The following ZIC3 variants were observed in gnomAD, a reference collection of about 807,000 sequenced individuals.
ZIC3 encodes zinc finger protein ZIC 3.
A neutral mutation model predicts 18.3 loss-of-function variants in ZIC3; 6 were observed. The observed-to-expected ratio is 0.33, with a 90% CI of 0.18 to 0.65. The LOEUF (loss-of-function observed/expected upper bound fraction) is 0.65. Ranked by LOEUF, ZIC3 falls within the 30% of genes least tolerant of loss-of-function variation. The probability of loss-of-function intolerance (pLI) is 0.75; values close to 1 mark genes in which losing one functional copy is unlikely to be tolerated. For synonymous variants in ZIC3, 175 were observed against 177.0 expected (o/e 0.99, Z 0.09); for missense variants, 260 against 410.0 (o/e 0.63, Z 3.16).
At chrX:137,574,790 GAGCGCAGCAA>G (rs756274294), downstream of ZIC3, among the ~76,000 whole-genome samples, 6 of 113,092 alleles carry the variant, frequency 5.3e-5, no homozygotes, top group South Asian at 3.6e-4. Flanking sequence ...AACCCCCGCG[GAGCGCAGCAA>G]AGCGCAGCAA....
exon 3 of ZIC3, chrX:137,577,366 T>G: frequency 2.6e-6 from 1 of 383,029 alleles, no homozygotes. Flanking sequence ...ATAAAAAGAC[T>G]ATTTTCTTCT....
downstream of ZIC3, among the ~76,000 whole-genome samples, chrX:137,575,485 C>T (rs970727275): frequency 2.7e-5 from 3 of 110,966 alleles, no homozygotes; most frequent in African/African-American, 9.9e-5. Flanking sequence ...GTGTTTTGTC[C>T]GTAGAAAAAT....
downstream of ZIC3, among the ~76,000 whole-genome samples, chrX:137,573,567 C>T (rs922951330): frequency 1.8e-5 from 2 of 112,463 alleles, no homozygotes; most frequent in African/African-American, 3.2e-5. Context: ...CTCTCTCTCC[C>T]CCTTCTTAAA....
At position 137,571,852 on chromosome X, in the gene ZIC3, C is replaced by CT. The variant is rs895974730; in HGVS notation, c.*1788dup. Among the ~76,000 whole-genome samples the CT allele has an allele frequency of 4.5e-5, 5 of 111,235 alleles. No homozygotes were observed. The highest frequency in any genetic ancestry group is 1.9e-4 in the Admixed American group (2 of 10,443). ...GCTGGAGTGGGTAGAGTATTGAGAC[C>CT]TTTTTTATTAGGGTGCTGTTTGTTA... On this transcript the variant is annotated 3_prime_UTR_variant, in exon 3 of 3. Transcript: ENST00000287538.
downstream of ZIC3, among the ~76,000 whole-genome samples, chrX:137,573,374 G>C (rs924757724): frequency 1.8e-5 from 2 of 111,481 alleles, no homozygotes. Context: ...AGCTTTAGAA[G>C]GTTAAAGATC....
chrX:137,566,884 G>A lies in ZIC3; in HGVS notation c.193G>A (p.Asp65Asn). The change falls in exon 1 of 3, where the codon GAT becomes AAT. Residue 65 changes from aspartate (D) to asparagine (N), a missense_variant. This residue lies in a region of ZIC3 where 183 missense variants were observed against 223.8 expected (regional missense o/e 0.82). Coordinates refer to ENST00000287538, the MANE Select transcript of ZIC3 (RefSeq NM_003413.4). ...AFKLSPAAAH[D>N]LSSGQSSAFT... ...CAAGCTGAGCCCTGCCGCGGCGCAC[G>A]ATCTATCTTCAGGCCAGAGCTCGGC... The A allele has an allele frequency of 8.6e-7, 1 of 1,164,496 alleles. No homozygotes were observed. Among genetic ancestry groups the A allele is most frequent in the African/African-American group, 1.8e-5 (1 of 56,574 alleles).
chrX:137,577,207 A>G, exon 3 of ZIC3: 1 of 525,497 alleles, frequency 1.9e-6, no homozygotes, highest in Non-Finnish European at 3.5e-6. Flanking sequence ...CCAGCCCTCC[A>G]TAACACTACC....
rs776380867 is a variant in ZIC3 at position 137,570,656 on chromosome X, CT to C, written c.*595del. The stretch of plus-strand genomic sequence containing the variant: ...AGTATACAGTTGCCTTTTGTAATAA[CT>C]TTTTTTTTGTAAATACATATCCATT... On this transcript the variant is annotated 3_prime_UTR_variant, in exon 3 of 3. Coordinates refer to ENST00000287538, the MANE Select transcript of ZIC3 (RefSeq NM_003413.4). 3.2e-3 allele frequency: 359 copies of C among 112,687 alleles called. 2 individuals are homozygous for C. The highest frequency in any genetic ancestry group is 0.01 in the African/African-American group (320 of 30,732). The allele number at this position is 112,687 out of a possible 1,213,427, so 9.3% of individuals were successfully genotyped here. A position where few individuals can be genotyped will look rare whatever the true frequency, so the allele number is the denominator to read the frequency against.
chrX:137,566,623 GAGA>G lies in ZIC3; in HGVS notation c.-68_-66del. 1 of 1,168,331 alleles carries G rather than the reference GAGA, an allele frequency of 8.6e-7. No homozygotes were observed. The highest frequency in any genetic ancestry group is 1.8e-5 in the African/African-American group (1 of 56,818). ...ACCCCTTTCCGACTACGGCACTTCGGAGATCTCCTCCTTCGCCGGTACCCTCTC... is the reference window on the plus strand; with the variant it reads ...ACCCCTTTCCGACTACGGCACTTCGGTCTCCTCCTTCGCCGGTACCCTCTC... On this transcript the variant is annotated 5_prime_UTR_variant, in exon 1 of 3. Coordinates refer to ENST00000287538, the MANE Select transcript of ZIC3 (RefSeq NM_003413.4).
rs910733228 is a variant in ZIC3, at chrX:137,567,807, C to A, written c.1060+56C>A. 1.1e-5 allele frequency: 13 copies of A among 1,210,627 alleles called. No individual in the cohort carries two copies. The East Asian group carries it at 3.3e-4, about 30-fold the overall frequency. On this transcript the variant is annotated intron_variant, in intron 1 of 2. Transcript: ENST00000287538. ...CCACTGGCGATACCCCGTCACGCAGCGGACTTAGAGCGCGAGGGAGAGAGG... is the reference window on the plus strand; with the variant it reads ...CCACTGGCGATACCCCGTCACGCAGAGGACTTAGAGCGCGAGGGAGAGAGG...
Position 137,571,119 on chromosome X carries a change from A to G in ZIC3, c.*1049A>G, listed in dbSNP as rs779463899. The G allele has an allele frequency of 4.4e-5, 5 of 112,424 alleles. No individual in the cohort carries two copies. The highest frequency in any genetic ancestry group is 9.4e-5 in the Non-Finnish European group (5 of 53,247). 9.3% of individuals were successfully genotyped at this position (112,424 alleles called of 1,213,427 possible). On this transcript the variant is annotated 3_prime_UTR_variant, in exon 3 of 3. Transcript: ENST00000287538. ...CATGCAAATCAAATATTACTGATCA[A>G]TTCAGTTAGTGGCCATGACATCTCA...
Position 137,567,597 on chromosome X carries a change from C to T in ZIC3, c.906C>T (p.Cys302=), listed in dbSNP as rs779221820. ...QNNHVCYWEE[C]PREGKSFKAK... is the part of the protein sequence containing the mutation. ...ACCACGTCTGCTACTGGGAGGAGTG[C>T]CCCCGGGAGGGCAAGTCTTTCAAGG... The change falls in exon 1 of 3, where the codon TGC becomes TGT. Residue 302 remains cysteine (C), a synonymous_variant. Transcript: ENST00000287538. 1.5e-4 allele frequency: 179 copies of T among 1,211,261 alleles called. No individual in the cohort carries two copies. The East Asian group carries it at 5.2e-3, about 35-fold the overall frequency.
downstream of ZIC3, among the ~76,000 whole-genome samples, chrX:137,574,884 G>C (rs1931495229): frequency 8.9e-6 from 1 of 112,580 alleles, no homozygotes; most frequent in Non-Finnish European, 1.9e-5. Context: ...GGGGAATGTA[G>C]GTCGTGGCGG....
At chrX:137,574,872 C>A (rs1223189940), downstream of ZIC3, among the ~76,000 whole-genome samples, 1 of 112,305 alleles carries the variant, frequency 8.9e-6, no homozygotes, top group East Asian at 2.8e-4. Context: ...GGGCGCCTCG[C>A]GGGGGAATGT....
downstream of ZIC3, among the ~76,000 whole-genome samples, chrX:137,574,461 G>A (rs1931485484): frequency 8.8e-6 from 1 of 113,406 alleles, no homozygotes; most frequent in Non-Finnish European, 1.9e-5. Context: ...GGGACCCGCT[G>A]GGAGGAAAGA....
At chrX:137,569,332 C>T (rs1214223737) in intron 2 of ZIC3, among the ~76,000 whole-genome samples, 1 of 112,044 alleles carries the variant, frequency 8.9e-6, no homozygotes, top group African/African-American at 3.2e-5. Flanking sequence ...CCTGGGCTTG[C>T]GGGGCTGCCG....
At chrX:137,576,258 A>G (rs1385594718), downstream of ZIC3, among the ~76,000 whole-genome samples, 3 of 111,393 alleles carry the variant, frequency 2.7e-5, no homozygotes, top group Admixed American at 1.9e-4. Context: ...TGGTACCAAA[A>G]GTGTGGAAAA....
intron 1 of ZIC3, chrX:137,568,662 A>G (rs1442895443): frequency 3.1e-5 from 11 of 354,772 alleles, no homozygotes; most frequent in Non-Finnish European, 5.5e-5. Flanking sequence ...GAACAAAGAC[A>G]TGGTCAGGTT....
chrX:137,567,975 G>C (rs182787927), intron 1 of ZIC3, among the ~76,000 whole-genome samples: 2 of 113,286 alleles, frequency 1.8e-5, no homozygotes, highest in East Asian at 5.6e-4. Context: ...TGCGGTCTCA[G>C]GAACTAATTG....
Sources: allele counts gnomAD v4.1 joint callset (sites outside exome capture counted in the v4.1 genomes callset), GRCh38; gene constraint gnomAD v4.1.1; regional missense constraint gnomAD v4.1.1; transcripts MANE v1.5; gene names NCBI Gene and HGNC (gene_info 2026-07-23, HGNC 2026-07-21).